RPN1: variants seen among roughly 807,000 people sequenced by gnomAD.
The protein encoded by RPN1 is ribophorin I.
Under a neutral mutation model 55.5 loss-of-function variants are expected in RPN1, and 12 were observed. The ratio of observed to expected loss-of-function variants is 0.22; its 90% CI spans 0.14 to 0.35. The LOEUF (loss-of-function observed/expected upper bound fraction) is 0.35. RPN1 is among the 10% of genes least tolerant of loss of function. The pLI, the probability that RPN1 is intolerant of heterozygous loss-of-function variation, is 1.00. For missense variants in RPN1, 679 were observed against 761.3 expected, an observed-to-expected ratio of 0.89 and a Z score of 1.27; for synonymous variants, 317 against 305.9, an observed-to-expected ratio of 1.04 and a Z score of -0.38.
Position 128,632,145 on chromosome 3 carries a change from C to T in RPN1, c.646G>A (p.Val216Ile), listed in dbSNP as rs757004043. 3.1e-6 allele frequency: 5 copies of T among 1,614,004 alleles called. No individual in the cohort carries two copies. The highest frequency in any genetic ancestry group is 1.6e-4 in the Middle Eastern group (1 of 6,084). The change falls in exon 4 of 10, where the codon GTA (valine) becomes ATA (isoleucine). Residue 216 changes from valine (V) to isoleucine (I), a missense_variant. Val to Ile is a conservative substitution (Grantham distance 29, BLOSUM62 3). Transcript: ENST00000296255. ...AAAGGGCTGTTGTTCTCATAATGTA[C>T]TTTAAAAGTATCCTGGAAGGAAGGA... ...VPAYSQDTFK[V>I]HYENNSPFLT...
intron 2 of RPN1, among the ~76,000 whole-genome samples, chr3:128,643,705 C>A (rs9879928): frequency 6.6e-6 from 1 of 151,504 alleles, no homozygotes; most frequent in Non-Finnish European, 1.5e-5. Context: ...CTGCACAGGA[C>A]AATCACTTGA....
chr3:128,639,274 A>G (rs2069706796), intron 2 of RPN1, among the ~76,000 whole-genome samples: 2 of 151,922 alleles, frequency 1.3e-5, no homozygotes, highest in African/African-American at 4.8e-5. Flanking sequence ...AACACAGTGA[A>G]AGCCCATCTC....
chr3:128,636,506 T>C (rs909350826), intron 3 of RPN1, among the ~76,000 whole-genome samples: 4 of 151,506 alleles, frequency 2.6e-5, no homozygotes, highest in Non-Finnish European at 4.4e-5. Context: ...AAAGAAACAA[T>C]TATTTCAAGT....
Position 128,630,045 on chromosome 3 carries a change from C to A in RPN1, c.942G>T (p.Met314Ile), listed in dbSNP as rs1035360109. 3 of 1,613,608 alleles carry A rather than the reference C, an allele frequency of 1.9e-6. No individual in the cohort carries two copies. The East Asian group carries it at 6.7e-5, about 36-fold the overall frequency. Reference protein sequence around the residue: ...HLLILDDSVEMEIRPRFPLFG... With the variant: ...HLLILDDSVEIEIRPRFPLFG... ...AGAGAGGGAAGCGAGGCCGGATTTCCATCTCTACAGAGTCATCCAAAATAA... is the reference window on the plus strand; with the variant it reads ...AGAGAGGGAAGCGAGGCCGGATTTCAATCTCTACAGAGTCATCCAAAATAA... The change falls in exon 5 of 10, where the codon ATG (methionine) becomes ATT (isoleucine). Residue 314 changes from methionine to isoleucine, a missense_variant. Met to Ile is a conservative substitution (Grantham distance 10). Around this residue, in one of 3 missense-constraint regions of RPN1, gnomAD observed 21 missense variants for 48.6 expected, o/e 0.43. Transcript: ENST00000296255.
chr3:128,628,999 T>C (rs1487524489), intron 5 of RPN1, among the ~76,000 whole-genome samples: 2 of 152,086 alleles, frequency 1.3e-5, no homozygotes, highest in Non-Finnish European at 1.5e-5. Flanking sequence ...ATTGAATAGA[T>C]TGAAAAGGGC....
At chr3:128,637,718 C>G (rs549665289) in intron 3 of RPN1, 81 bp downstream of exon 3, 2 of 1,452,020 alleles carry the variant, frequency 1.4e-6, no homozygotes, top group Admixed American at 3.6e-5. Context: ...CCCCACACCA[C>G]CCAAGCCTAT....
At chr3:128,630,549 C>A (rs1311350235) in intron 4 of RPN1, among the ~76,000 whole-genome samples, 1 of 152,016 alleles carries the variant, frequency 6.6e-6, no homozygotes, top group South Asian at 2.1e-4. Flanking sequence ...ATTGTATCTT[C>A]CAAATCTGTC....
rs1207215368 is a variant in RPN1, at chr3:128,625,916, G to C, written c.1233C>G (p.Ala411=). 25 of 1,613,812 alleles carry C rather than the reference G, an allele frequency of 1.5e-5. No individual in the cohort carries two copies. Among genetic ancestry groups the C allele is most frequent in the Non-Finnish European group, 1.9e-5 (23 of 1,179,874 alleles). The change falls in exon 7 of 10, where the codon GCC becomes GCG. Residue 411 remains alanine, a synonymous_variant. Transcript: ENST00000296255. ...LDTFGRPVIV[A]YKKNLVEQHI... Reference sequence around the variant, plus strand: ...GCTGTTCTACCAGATTTTTCTTGTAGGCAACAATCACAGGGCGGCCAAATG... The same window carrying C: ...GCTGTTCTACCAGATTTTTCTTGTACGCAACAATCACAGGGCGGCCAAATG...
intron 3 of RPN1, among the ~76,000 whole-genome samples, chr3:128,634,013 AAC>A (rs2107716970): frequency 6.6e-6 from 1 of 151,616 alleles, no homozygotes; most frequent in Admixed American, 6.6e-5. Flanking sequence ...CAAAAACAAA[AAC>A]AACAAAACAA....
At chr3:128,623,944 G>C (rs1041471806) in intron 8 of RPN1, among the ~76,000 whole-genome samples, 1 of 151,820 alleles carries the variant, frequency 6.6e-6, no homozygotes, top group African/African-American at 2.4e-5. Flanking sequence ...AGGGTAAAGG[G>C]GCACAACGTC....
At chr3:128,635,056 G>A (rs2069667078) in intron 3 of RPN1, among the ~76,000 whole-genome samples, 2 of 152,084 alleles carry the variant, frequency 1.3e-5, no homozygotes, top group African/African-American at 4.8e-5. Flanking sequence ...TTCACAGTGG[G>A]CACGTGGGCC....
intron 3 of RPN1, among the ~76,000 whole-genome samples, chr3:128,633,610 C>G (rs563612760): frequency 7.9e-5 from 12 of 152,086 alleles, no homozygotes; most frequent in African/African-American, 2.7e-4. Context: ...GTATAATATG[C>G]AGAGATGTAT....
At chr3:128,625,439 G>T (rs919195784) in intron 8 of RPN1, 95 bp downstream of exon 8, 59 of 1,584,538 alleles carry the variant, frequency 3.7e-5, no homozygotes, top group Non-Finnish European at 5.1e-5. Flanking sequence ...TGGCCATGGC[G>T]TCCTGCCCTG....
chr3:128,644,290 T>C (rs1402147203), intron 2 of RPN1, among the ~76,000 whole-genome samples: 2 of 152,184 alleles, frequency 1.3e-5, no homozygotes, highest in African/African-American at 4.8e-5. Context: ...TCAGCATTAG[T>C]AATGAGAAGT....
rs781181589 is a variant in RPN1, at chr3:128,630,015, G to A, written c.972C>T (p.Gly324=). The change falls in exon 5 of 10, where the codon GGC becomes GGT. Residue 324 remains glycine (G), a synonymous_variant. Coordinates refer to ENST00000296255, the MANE Select transcript of RPN1 (RefSeq NM_002950.4). ...MEIRPRFPLF[G]GWKTHYIVGY... is the part of the protein sequence containing the mutation. ...CAACGATGTAATGGGTCTTCCACCC[G>A]CCAAAGAGAGGGAAGCGAGGCCGGA... is the stretch of plus-strand genomic sequence containing the variant. 9.3e-6 allele frequency: 15 copies of A among 1,613,224 alleles called. No homozygotes were observed. Among genetic ancestry groups the A allele is most frequent in the South Asian group, 2.2e-5 (2 of 91,042 alleles).
At chr3:128,650,310 C>G (rs1280941129) in intron 1 of RPN1, among the ~76,000 whole-genome samples, 1 of 152,164 alleles carries the variant, frequency 6.6e-6, no homozygotes, top group Non-Finnish European at 1.5e-5. Context: ...CTGACGTGGC[C>G]CAGGCAGGAG....
At chr3:128,635,646 T>TATATATATATATATATAG (rs2069674348) in intron 3 of RPN1, among the ~76,000 whole-genome samples, 1 of 16,762 alleles carries the variant, frequency 6.0e-5, no homozygotes, top group Non-Finnish European at 1.5e-4. Flanking sequence ...TATAGATATA[T>TATATATATATATATATAG]ATATATATAT....
In RPN1 at chr3:128,622,154, C is replaced by T. The variant is rs757588918; in HGVS notation, c.1641+10G>A. On this transcript the variant is annotated intron_variant, in intron 9 of 9. Transcript: ENST00000296255. Reference sequence around the variant, plus strand: ...CCAAGCCAAGCAACTCTGTGACGCCCGACACTTACTCTGTCGCACAGATCA... The same window carrying T: ...CCAAGCCAAGCAACTCTGTGACGCCTGACACTTACTCTGTCGCACAGATCA... 1.9e-5 allele frequency: 31 copies of T among 1,613,156 alleles called. No homozygotes were observed. Among genetic ancestry groups the T allele is most frequent in the Middle Eastern group, 1.6e-4 (1 of 6,078 alleles).
At chr3:128,637,678 G>A in intron 3 of RPN1, 121 bp downstream of exon 3, 1 of 994,592 alleles carries the variant, frequency 1.0e-6, no homozygotes, top group Non-Finnish European at 1.5e-6. Context: ...CTTTTGGGAT[G>A]ACCTTAGAAA....
Sources: allele counts gnomAD v4.1 joint callset (sites outside exome capture counted in the v4.1 genomes callset), GRCh38; gene constraint gnomAD v4.1.1; regional missense constraint gnomAD v4.1.1; transcripts MANE v1.5; gene names NCBI Gene and HGNC (gene_info 2026-07-23, HGNC 2026-07-21).